The following CERT1 variants were observed in gnomAD, a reference collection of about 807,000 sequenced individuals.
The protein encoded by CERT1 is ceramide transfer protein.
A neutral mutation model predicts 87.9 loss-of-function variants in CERT1; 31 were observed. The ratio of observed to expected loss-of-function variants is 0.35; its 90% CI spans 0.27 to 0.48. The LOEUF (loss-of-function observed/expected upper bound fraction) is 0.48, where lower values mean the gene tolerates loss of function less well. Among genes scored for constraint, CERT1 ranks in the 20% least tolerant of loss-of-function variants. CERT1 has a pLI of 0.99. For missense variants in CERT1, 487 were observed against 758.0 expected, an observed-to-expected ratio of 0.64 and a Z score of 4.20; for synonymous variants, 289 against 250.9, an observed-to-expected ratio of 1.15 and a Z score of -1.44.
At chr5:75,399,525 A>C in intron 10 of CERT1, 138 bp from the exon 11 acceptor site, 1 of 665,412 alleles carries the variant, frequency 1.5e-6, no homozygotes, top group Non-Finnish European at 2.7e-6. Context: ...GCAACTGCTG[A>C]CTTCATGCAC....
chr5:75,419,544 C>T, intron 5 of CERT1, 120 bp from the exon 6 acceptor site: 1 of 680,204 alleles, frequency 1.5e-6, no homozygotes, highest in South Asian at 1.9e-5. Context: ...TCTTACTCAT[C>T]TTTGTATTTT....
At chr5:75,414,555 C>A (rs1227388681) in intron 7 of CERT1, among the ~76,000 whole-genome samples, 1 of 152,110 alleles carries the variant, frequency 6.6e-6, no homozygotes, top group Admixed American at 6.5e-5. Flanking sequence ...CTTATTAACA[C>A]TGTTAACCAT....
At chr5:75,426,252 C>T in intron 4 of CERT1, 119 bp downstream of exon 4, 3 of 565,324 alleles carry the variant, frequency 5.3e-6, no homozygotes, top group Non-Finnish European at 9.3e-6. Flanking sequence ...CTAATAACTT[C>T]AAATAAATTA....
chr5:75,384,605 A>G, intron 14 of CERT1, 37 bp downstream of exon 14: 1 of 1,445,408 alleles, frequency 6.9e-7, no homozygotes, highest in Non-Finnish European at 9.7e-7. Flanking sequence ...TTTGAACTAC[A>G]TTGAAATCCT....
intron 2 of CERT1, among the ~76,000 whole-genome samples, chr5:75,475,039 T>G (rs1765897574): frequency 6.6e-6 from 1 of 152,096 alleles, no homozygotes; most frequent in African/African-American, 2.4e-5. Flanking sequence ...CATGGTATGA[T>G]ACTGGGAAAA....
intron 2 of CERT1, among the ~76,000 whole-genome samples, chr5:75,496,369 G>A (rs117997596): frequency 6.6e-6 from 1 of 151,526 alleles, no homozygotes. Flanking sequence ...ACATAATGCT[G>A]GTGAGATGGT....
intron 4 of CERT1, 39 bp from the exon 5 acceptor site, chr5:75,425,538 A>G: frequency 1.2e-6 from 2 of 1,601,444 alleles, no homozygotes; most frequent in Non-Finnish European, 1.7e-6. Flanking sequence ...TTCAAGTAAA[A>G]CAAAACTGGA....
At chr5:75,511,969 G>T (rs900975270), upstream of CERT1, 2 of 682,990 alleles carry the variant, frequency 2.9e-6, no homozygotes, top group Non-Finnish European at 4.9e-6. Context: ...CAGTCGGTGG[G>T]TGGGCTTCGT....
chr5:75,490,572 C>T (rs931070481), intron 2 of CERT1, among the ~76,000 whole-genome samples: 1 of 151,994 alleles, frequency 6.6e-6, no homozygotes, highest in African/African-American at 2.4e-5. Context: ...GATCTCGGCT[C>T]ACTGCAAGCT....
At chr5:75,444,028 T>C (rs1240187147) in intron 3 of CERT1, among the ~76,000 whole-genome samples, 1 of 152,210 alleles carries the variant, frequency 6.6e-6, no homozygotes, top group African/African-American at 2.4e-5. Context: ...CTGTTTGTTG[T>C]CTTTGGATCT....
At chr5:75,450,863 TTA>T (rs1462552850) in intron 3 of CERT1, among the ~76,000 whole-genome samples, 1 of 152,214 alleles carries the variant, frequency 6.6e-6, no homozygotes, top group Non-Finnish European at 1.5e-5. Context: ...TGTTGATGTT[TTA>T]TGTTTCCTAA....
chr5:75,419,650 T>C (rs1763289074), intron 5 of CERT1, among the ~76,000 whole-genome samples: 1 of 152,168 alleles, frequency 6.6e-6, no homozygotes, highest in Non-Finnish European at 1.5e-5. Flanking sequence ...AACCCCTGAA[T>C]ATTCTCATTT....
chr5:75,416,352 A>C (rs188293406), intron 7 of CERT1, among the ~76,000 whole-genome samples: 127 of 152,316 alleles, frequency 8.3e-4, no homozygotes, highest in Non-Finnish European at 1.6e-3. Context: ...TTCACACTAG[A>C]AACTAAAGAG....
intron 11 of CERT1, among the ~76,000 whole-genome samples, chr5:75,395,764 C>T (rs1364428657): frequency 2.0e-5 from 3 of 151,746 alleles, no homozygotes; most frequent in African/African-American, 4.8e-5. Flanking sequence ...ACAGGAGAAT[C>T]GCTTGAACCT....
chr5:75,377,865 T>C lies in CERT1; in HGVS notation c.*1481A>G, dbSNP rs1480475648. The C allele has an allele frequency of 6.6e-6, 1 of 152,270 alleles. No homozygotes were observed. Among genetic ancestry groups the C allele is most frequent in the Non-Finnish European group, 1.5e-5 (1 of 68,072 alleles). The allele number at this position is 152,270 out of a possible 1,614,324, so 9.4% of individuals were successfully genotyped here. A position where few individuals can be genotyped will look rare whatever the true frequency, so the allele number is the denominator to read the frequency against. Reference sequence around the variant, plus strand: ...GTGCAGTCGTGTAATCACAGCTCACTGCAGCCTCAAACTCCCAGACAAAGC... The same window carrying C: ...GTGCAGTCGTGTAATCACAGCTCACCGCAGCCTCAAACTCCCAGACAAAGC... On this transcript the variant is annotated 3_prime_UTR_variant, in exon 17 of 17. Coordinates refer to ENST00000643780, the MANE Select transcript of CERT1 (RefSeq NM_001379029.1).
chr5:75,444,850 G>T (rs953783257), intron 3 of CERT1, among the ~76,000 whole-genome samples: 9 of 151,892 alleles, frequency 5.9e-5, no homozygotes, highest in Non-Finnish European at 1.2e-4. Flanking sequence ...CAGCCTAGTT[G>T]ATTTTTCATA....
At chr5:75,483,230 C>T (rs1766337900) in intron 2 of CERT1, among the ~76,000 whole-genome samples, 1 of 151,952 alleles carries the variant, frequency 6.6e-6, no homozygotes. Context: ...GCTGAAAAAT[C>T]CAATTGATAA....
At chr5:75,438,088 G>T (rs1764170066) in intron 3 of CERT1, among the ~76,000 whole-genome samples, 1 of 151,874 alleles carries the variant, frequency 6.6e-6, no homozygotes. Context: ...GGTGATTTTA[G>T]AATAAAAATT....
intron 2 of CERT1, among the ~76,000 whole-genome samples, chr5:75,503,558 G>T (rs188618999): frequency 1.2e-3 from 175 of 151,964 alleles, no homozygotes; most frequent in South Asian, 3.1e-3. Flanking sequence ...AAAGGGCAAG[G>T]AAAGTTCAAG....
Sources: allele counts gnomAD v4.1 joint callset (sites outside exome capture counted in the v4.1 genomes callset), GRCh38; gene constraint gnomAD v4.1.1; transcripts MANE v1.5; gene names NCBI Gene and HGNC (gene_info 2026-07-23, HGNC 2026-07-21).